Variants in CTNNA2 observed in about 807,000 individuals in gnomAD.
CTNNA2 encodes the protein catenin alpha 2, also known as catenin alpha-2.
A neutral mutation model predicts 101.0 loss-of-function variants in CTNNA2; 42 were observed. That is an observed-to-expected ratio of 0.42 (90% CI 0.32 to 0.54). The LOEUF (loss-of-function observed/expected upper bound fraction) is 0.54. CTNNA2 is among the 20% of genes least tolerant of loss of function. The probability of loss-of-function intolerance (pLI) is 0.14; values close to 1 mark genes in which losing one functional copy is unlikely to be tolerated. For synonymous variants in CTNNA2, 450 were observed against 456.4 expected (o/e 0.99, Z 0.18); for missense variants, 871 against 1,223.1 (o/e 0.71, Z 4.29).
intron 2 of CTNNA2, among the ~76,000 whole-genome samples, chr2:79,226,839 TC>T (rs1366437955): frequency 1.3e-5 from 2 of 152,242 alleles, no homozygotes; most frequent in African/African-American, 4.8e-5. Context: ...TGGGGATGTT[TC>T]TGAGATACAG....
chr2:79,209,750 G>T (rs79905500), intron 2 of CTNNA2, among the ~76,000 whole-genome samples: 2,464 of 35,676 alleles, frequency 0.069, 89 homozygotes, highest in Admixed American at 0.23. Flanking sequence ...ACTCCTTAAG[G>T]GTCCTTGAAG....
chr2:80,336,999 A>G (rs1005860815), intron 7 of CTNNA2, among the ~76,000 whole-genome samples: 31 of 152,108 alleles, frequency 2.0e-4, no homozygotes, highest in African/African-American at 6.3e-4. Context: ...CCATCTCCAC[A>G]CTCTGCATCT....
chr2:79,664,936 C>G (rs566308202), intron 2 of CTNNA2, among the ~76,000 whole-genome samples: 2 of 152,064 alleles, frequency 1.3e-5, no homozygotes, highest in Admixed American at 1.3e-4. Context: ...TGGTCTCGAT[C>G]TCCTGACCTC....
At chr2:80,244,287 CAT>C (rs1671160699) in intron 7 of CTNNA2, among the ~76,000 whole-genome samples, 2 of 152,194 alleles carry the variant, frequency 1.3e-5, no homozygotes, top group Admixed American at 6.5e-5. Flanking sequence ...GATTGACTAA[CAT>C]GTGATGTTCA....
At chr2:79,440,018 AT>A (rs1678760156) in intron 4 of CTNNA2, among the ~76,000 whole-genome samples, 1 of 152,210 alleles carries the variant, frequency 6.6e-6, no homozygotes, top group South Asian at 2.1e-4. Flanking sequence ...TATAAGGCAT[AT>A]TACTTTAAAG....
chr2:79,466,693 A>C lies in CTNNA2; in HGVS notation c.-134-38361A>C, dbSNP rs550825084. Among the ~76,000 whole-genome samples, 6 of 152,318 alleles carry C rather than the reference A, an allele frequency of 3.9e-5. No individual in the cohort carries two copies. The East Asian group carries it at 1.2e-3, about 30-fold the overall frequency. ...CTGAGACGGAGCTTCCAGAGGAAAA[A>C]TCAGGCAGCAACATTTGCTGTTCAG... On this transcript the variant is annotated intron_variant, in intron 4 of 21. Coordinates refer to the CTNNA2 transcript ENST00000466387.
intron 3 of CTNNA2, among the ~76,000 whole-genome samples, chr2:79,324,181 A>G (rs1676689328): frequency 6.6e-6 from 1 of 152,182 alleles, no homozygotes; most frequent in African/African-American, 2.4e-5. Context: ...AAGGCAGACT[A>G]TTTTGTTACT....
intron 2 of CTNNA2, among the ~76,000 whole-genome samples, chr2:79,720,518 T>G (rs1212754843): frequency 6.6e-6 from 1 of 152,172 alleles, no homozygotes; most frequent in Non-Finnish European, 1.5e-5. Context: ...TCTTCCAATC[T>G]ATAAACATGG....
intron 7 of CTNNA2, among the ~76,000 whole-genome samples, chr2:80,264,977 G>GTT (rs34918157): frequency 2.2e-5 from 3 of 139,392 alleles, no homozygotes; most frequent in Admixed American, 1.4e-4. Context: ...GGGAAGAGGT[G>GTT]TTTTTTTTTT....
intron 1 of CTNNA2, among the ~76,000 whole-genome samples, chr2:79,518,208 T>C (rs1328662067): frequency 6.6e-6 from 1 of 152,216 alleles, no homozygotes; most frequent in Non-Finnish European, 1.5e-5. Context: ...TTGCTACTTG[T>C]AGACATCGGG....
intron 1 of CTNNA2, among the ~76,000 whole-genome samples, chr2:79,190,579 C>A (rs998746130): frequency 2.6e-5 from 4 of 152,016 alleles, no homozygotes; most frequent in Admixed American, 2.6e-4. Context: ...AGACTCCTGC[C>A]GTTTAGAAAG....
At chr2:80,176,505 T>C (rs1302552930) in intron 7 of CTNNA2, among the ~76,000 whole-genome samples, 1 of 152,264 alleles carries the variant, frequency 6.6e-6, no homozygotes, top group Non-Finnish European at 1.5e-5. Flanking sequence ...CTTCTTCTAC[T>C]ACCTATTCTG....
chr2:80,294,173 C>G (rs372518157), intron 7 of CTNNA2, among the ~76,000 whole-genome samples: 11 of 152,250 alleles, frequency 7.2e-5, no homozygotes, highest in East Asian at 3.9e-4. Flanking sequence ...GTAACAATGA[C>G]CTTGGGCAAG....
chr2:79,630,794 T>G (rs1679640166), intron 1 of CTNNA2, among the ~76,000 whole-genome samples: 1 of 152,104 alleles, frequency 6.6e-6, no homozygotes, highest in African/African-American at 2.4e-5. Flanking sequence ...ACACACACAT[T>G]AAACAATGCT....
chr2:80,505,517 A>T (rs1559164781), intron 9 of CTNNA2, among the ~76,000 whole-genome samples: 1 of 152,204 alleles, frequency 6.6e-6, no homozygotes, highest in Non-Finnish European at 1.5e-5. Flanking sequence ...ACAATTGTCC[A>T]CTTTTCTCAA....
At chr2:80,043,115 CTT>C (rs1696256595) in intron 7 of CTNNA2, among the ~76,000 whole-genome samples, 11 of 95,344 alleles carry the variant, frequency 1.2e-4, no homozygotes, top group East Asian at 7.4e-4. Flanking sequence ...CTCTCTCTTT[CTT>C]TCTCCTTCCT....
At chr2:79,591,445 C>T (rs1391718845) in intron 1 of CTNNA2, among the ~76,000 whole-genome samples, 2 of 142,262 alleles carry the variant, frequency 1.4e-5, no homozygotes, top group African/African-American at 5.2e-5. Flanking sequence ...ATAACATAGA[C>T]TCATTCATGA....
chr2:79,610,341 A>G (rs1164226944), intron 1 of CTNNA2, among the ~76,000 whole-genome samples: 1 of 152,104 alleles, frequency 6.6e-6, no homozygotes, highest in Non-Finnish European at 1.5e-5. Flanking sequence ...TGGTAAAAAT[A>G]CTTTGAAAAG....
chr2:80,151,552 C>T (rs894764832), intron 7 of CTNNA2, among the ~76,000 whole-genome samples: 1 of 152,236 alleles, frequency 6.6e-6, no homozygotes, highest in Admixed American at 6.5e-5. Flanking sequence ...TTGCTCTGAG[C>T]ATCCCCTAGT....
Sources: allele counts gnomAD v4.1 joint callset (sites outside exome capture counted in the v4.1 genomes callset), GRCh38; gene constraint gnomAD v4.1.1; transcripts MANE v1.5; gene names NCBI Gene and HGNC (gene_info 2026-07-23, HGNC 2026-07-21).